Variants in CABLES1 observed in about 807,000 individuals in gnomAD.
CABLES1 encodes CDK5 and ABL1 enzyme substrate 1.
A neutral mutation model predicts 57.8 loss-of-function variants in CABLES1; 36 were observed. The ratio of observed to expected loss-of-function variants is 0.62; its 90% CI spans 0.48 to 0.82. The LOEUF (loss-of-function observed/expected upper bound fraction) is 0.82, where lower values mean the gene tolerates loss of function less well. CABLES1 is among the 40% of genes least tolerant of loss of function. CABLES1 has a pLI of 0.00. For missense variants in CABLES1, 767 were observed against 836.6 expected (o/e 0.92, Z 1.03); for synonymous variants, 374 against 363.0 (o/e 1.03, Z -0.35).
intron 3 of CABLES1, among the ~76,000 whole-genome samples, chr18:23,196,026 C>G (rs2047279862): frequency 6.6e-6 from 1 of 152,188 alleles, no homozygotes; most frequent in African/African-American, 2.4e-5. Context: ...CTGATGCTAG[C>G]TGGCACGGCA....
chr18:23,135,288 C>T (rs949944301), upstream of CABLES1, among the ~76,000 whole-genome samples: 4 of 152,218 alleles, frequency 2.6e-5, no homozygotes, highest in Non-Finnish European at 5.9e-5. Context: ...ACCACCCGCT[C>T]GGCTCTCGCG....
At chr18:23,192,232 A>G (rs2047249356) in intron 2 of CABLES1, among the ~76,000 whole-genome samples, 1 of 152,164 alleles carries the variant, frequency 6.6e-6, no homozygotes, top group Admixed American at 6.5e-5. Flanking sequence ...TTGTCAAGAA[A>G]AACCTCTATT....
intron 4 of CABLES1, among the ~76,000 whole-genome samples, chr18:23,221,848 A>G (rs935992357): frequency 2.0e-5 from 3 of 152,148 alleles, no homozygotes; most frequent in East Asian, 3.8e-4. Context: ...CCTGTCCCCA[A>G]ACTGAACCTG....
chr18:23,175,727 C>T (rs1359120229), intron 1 of CABLES1, among the ~76,000 whole-genome samples: 1 of 152,220 alleles, frequency 6.6e-6, no homozygotes, highest in East Asian at 1.9e-4. Flanking sequence ...AGAATATAGG[C>T]ATGAGCCACT....
Position 23,196,580 on chromosome 18 carries a change from T to C in CABLES1, c.1010+2040T>C, listed in dbSNP as rs1237766324. On this transcript the variant is annotated intron_variant, in intron 3 of 9. Coordinates refer to ENST00000256925, the MANE Select transcript of CABLES1 (RefSeq NM_001100619.3). ...TTTCGAGAGAGGAATGCAGAAGCTC[T>C]GCCCCACAGCATTTGGGCAGCAGGA... is the stretch of plus-strand genomic sequence containing the variant. 2.6e-5 allele frequency among the ~76,000 whole-genome samples: 4 copies of C among 152,192 alleles called. No homozygotes were observed. The East Asian group carries it at 5.8e-4, about 22-fold the overall frequency.
At chr18:23,159,953 A>G (rs184193034) in intron 1 of CABLES1, among the ~76,000 whole-genome samples, 11 of 151,860 alleles carry the variant, frequency 7.2e-5, no homozygotes, top group African/African-American at 2.2e-4. Flanking sequence ...CCGAAGAATC[A>G]TAAGTAACAC....
chr18:23,189,988 A>T (rs1250040385), intron 2 of CABLES1, among the ~76,000 whole-genome samples: 3 of 152,230 alleles, frequency 2.0e-5, no homozygotes, highest in African/African-American at 7.2e-5. Context: ...GAATAGTCCC[A>T]TCTCCACTTT....
chr18:23,224,072 G>A (rs2047509458), intron 4 of CABLES1, among the ~76,000 whole-genome samples: 1 of 149,702 alleles, frequency 6.7e-6, no homozygotes, highest in African/African-American at 2.4e-5. Context: ...CTCAAATATA[G>A]TCTTTTAAAG....
rs569579022 is a variant in CABLES1 at position 23,174,821 on chromosome 18, C to CATATATATATATATATAT, written c.846-13994_846-13977dup. Reference sequence around the variant, plus strand: ...ATTTGTATGTATATACATGTTACACCATATATATATATATATATATATATA... The same window carrying CATATATATATATATATAT: ...ATTTGTATGTATATACATGTTACACCATATATATATATATATATATATATATATATATATATATATATA... On this transcript the variant is annotated intron_variant, in intron 1 of 9. Coordinates refer to ENST00000256925, the MANE Select transcript of CABLES1 (RefSeq NM_001100619.3). Among the ~76,000 whole-genome samples the CATATATATATATATATAT allele has an allele frequency of 1.1e-3, 100 of 94,544 alleles. 3 individuals are homozygous for CATATATATATATATATAT. The highest frequency in any genetic ancestry group is 2.5e-3 in the South Asian group (6 of 2,422). 62.0% of individuals were successfully genotyped at this position (94,544 alleles called of 152,430 possible).
chr18:23,209,858 C>T (rs538871342), intron 3 of CABLES1, among the ~76,000 whole-genome samples: 17 of 152,130 alleles, frequency 1.1e-4, no homozygotes, highest in African/African-American at 3.6e-4. Context: ...AAAAGTGGCC[C>T]GTGGTGCTCT....
In CABLES1 at chr18:23,258,142, C is replaced by T. The variant is rs545060551; in HGVS notation, c.*775C>T. On this transcript the variant is annotated 3_prime_UTR_variant, in exon 10 of 10. Coordinates refer to ENST00000256925, the MANE Select transcript of CABLES1 (RefSeq NM_001100619.3). Reference sequence around the variant, plus strand: ...AGTTCTGAGTGTTGGATGAGTCAGTCGCGTGGAAGGACGTGGAGCGTGGCG... The same window carrying T: ...AGTTCTGAGTGTTGGATGAGTCAGTTGCGTGGAAGGACGTGGAGCGTGGCG... 1.3e-5 allele frequency: 2 copies of T among 152,508 alleles called. No individual in the cohort carries two copies. The highest frequency in any genetic ancestry group is 1.9e-4 in the East Asian group (1 of 5,180). 9.4% of individuals were successfully genotyped at this position (152,508 alleles called of 1,614,324 possible).
At chr18:23,195,194 A>T (rs1239711212) in intron 3 of CABLES1, among the ~76,000 whole-genome samples, 1 of 152,240 alleles carries the variant, frequency 6.6e-6, no homozygotes, top group Non-Finnish European at 1.5e-5. Context: ...CAGCATGCTC[A>T]TGATTGGATG....
chr18:23,243,161 G>A (rs2047778827), intron 7 of CABLES1, among the ~76,000 whole-genome samples: 1 of 151,996 alleles, frequency 6.6e-6, no homozygotes, highest in Non-Finnish European at 1.5e-5. Flanking sequence ...TCTGCAGGGT[G>A]GATTTGTTGG....
intron 1 of CABLES1, among the ~76,000 whole-genome samples, chr18:23,185,806 G>C (rs553257648): frequency 3.9e-5 from 6 of 152,312 alleles, no homozygotes; most frequent in African/African-American, 1.4e-4. Flanking sequence ...ATTTCTGCCT[G>C]TGGAAGTTAT....
intron 8 of CABLES1, 42 bp from the exon 9 acceptor site, chr18:23,253,685 CTA>C (rs771890739): frequency 1.3e-6 from 2 of 1,550,334 alleles, no homozygotes; most frequent in Non-Finnish European, 1.8e-6. Flanking sequence ...CACTGAAACT[CTA>C]AGTTTTCACA....
intron 1 of CABLES1, among the ~76,000 whole-genome samples, chr18:23,143,218 G>T (rs2046868401): frequency 6.6e-6 from 1 of 152,178 alleles, no homozygotes; most frequent in African/African-American, 2.4e-5. Context: ...CAGAGGACAG[G>T]CCAGGTTTTA....
chr18:23,172,994 G>A (rs1398448895), intron 1 of CABLES1, among the ~76,000 whole-genome samples: 2 of 152,232 alleles, frequency 1.3e-5, no homozygotes, highest in African/African-American at 2.4e-5. Context: ...TTGCAAGGAT[G>A]TCTTACGCCA....
intron 1 of CABLES1, among the ~76,000 whole-genome samples, 162 bp from the exon 2 acceptor site, chr18:23,188,676 C>T (rs1035015707): frequency 3.9e-5 from 6 of 152,150 alleles, no homozygotes; most frequent in Non-Finnish European, 7.3e-5. Flanking sequence ...ATGGGCCTGG[C>T]GTGCAGGGTG....
Position 23,135,853 on chromosome 18 carries a change from C to T in CABLES1, c.91C>T (p.Pro31Ser). The T allele has an allele frequency of 1.0e-6, 1 of 989,100 alleles. No homozygotes were observed. Among genetic ancestry groups the T allele is most frequent in the Non-Finnish European group, 1.2e-6 (1 of 829,614 alleles). The allele number at this position is 989,100 out of a possible 1,614,324, so 61.3% of individuals were successfully genotyped here. The change falls in exon 1 of 10, where the codon CCG becomes TCG. Residue 31 changes from proline (P) to serine (S), a missense_variant. Transcript: ENST00000256925. ...DAAGASGLQQPPPQPQPQPAA... is the reference protein window; with the variant it reads ...DAAGASGLQQSPPQPQPQPAA... ...CGCGGGCGCCAGCGGATTGCAGCAG[C>T]CGCCGCCGCAGCCCCAGCCTCAGCC...
Sources: gnomAD v4.1 joint callset for allele counts (sites outside exome capture counted in the v4.1 genomes callset) on GRCh38, gnomAD v4.1.1 for gene constraint, MANE v1.5 for transcripts, NCBI Gene and HGNC (gene_info 2026-07-23, HGNC 2026-07-21) for gene names.